PRIM2: variants seen among roughly 807,000 people sequenced by gnomAD.
The protein encoded by PRIM2 is DNA primase subunit 2, also known as DNA primase large subunit.
PRIM2 carries 39 observed loss-of-function variants against 67.3 expected under a neutral mutation model. The observed-to-expected ratio is 0.58, with a 90% CI of 0.45 to 0.76. The LOEUF is 0.76. Ranked by LOEUF, PRIM2 falls within the 30% of genes least tolerant of loss-of-function variation. PRIM2 has a pLI of 0.00. For missense variants in PRIM2, 398 were observed against 598.7 expected (o/e 0.66, Z 3.50); for synonymous variants, 143 against 198.7 (o/e 0.72, Z 2.36).
intron 13 of PRIM2, among the ~76,000 whole-genome samples, chr6:57,645,444 T>C (rs1465700666): frequency 1.3e-5 from 2 of 151,496 alleles, no homozygotes; most frequent in Non-Finnish European, 2.9e-5. Flanking sequence ...GAATTGGTAA[T>C]GTTTTGGGTA....
chr6:57,490,563 T>C (rs1458866101), intron 7 of PRIM2, among the ~76,000 whole-genome samples: 1 of 152,138 alleles, frequency 6.6e-6, no homozygotes, highest in Non-Finnish European at 1.5e-5. Context: ...AATAAATGTA[T>C]TCAGCAATAA....
At chr6:57,305,150 T>C in the PRIM2 span, among the ~76,000 whole-genome samples, 1 of 150,798 alleles carries the variant, frequency 6.6e-6, no homozygotes, top group East Asian at 1.9e-4. Context: ...CAGTTGGAAT[T>C]CAATCTTGGC....
At chr6:57,433,833 G>A (rs1231284072) in intron 7 of PRIM2, among the ~76,000 whole-genome samples, 1 of 151,760 alleles carries the variant, frequency 6.6e-6, no homozygotes, top group Non-Finnish European at 1.5e-5. Context: ...CTTGAATGAG[G>A]CCATTATGTG....
the PRIM2 span, among the ~76,000 whole-genome samples, chr6:57,276,446 CATATAT>C: frequency 7.3e-5 from 11 of 150,954 alleles, no homozygotes; most frequent in Admixed American, 1.3e-4. Flanking sequence ...ATACCATTTA[CATATAT>C]ATATATATAT....
At chr6:57,466,549 G>C (rs1197575217) in intron 7 of PRIM2, among the ~76,000 whole-genome samples, 1 of 152,184 alleles carries the variant, frequency 6.6e-6, no homozygotes, top group African/African-American at 2.4e-5. Flanking sequence ...TTGTGGTTTT[G>C]ATTTGCATTT....
At chr6:57,499,862 G>A (rs1353720038) in intron 7 of PRIM2, among the ~76,000 whole-genome samples, 2 of 152,080 alleles carry the variant, frequency 1.3e-5, no homozygotes, top group African/African-American at 4.8e-5. Flanking sequence ...ATATAATATG[G>A]GAAGGTTTAG....
At chr6:57,604,650 G>A in intron 11 of PRIM2, among the ~76,000 whole-genome samples, 1 of 150,094 alleles carries the variant, frequency 6.7e-6, no homozygotes, top group Middle Eastern at 3.4e-3. Flanking sequence ...TTGGTATCTA[G>A]TTTTTTGAGG....
intron 10 of PRIM2, among the ~76,000 whole-genome samples, chr6:57,593,528 C>T (rs1217631214): frequency 6.6e-6 from 1 of 152,186 alleles, no homozygotes; most frequent in Non-Finnish European, 1.5e-5. Flanking sequence ...GTCTCGAACT[C>T]CTGACCTCAA....
chr6:57,530,436 T>C (rs1774862548), intron 8 of PRIM2, among the ~76,000 whole-genome samples: 1 of 152,230 alleles, frequency 6.6e-6, no homozygotes, highest in Non-Finnish European at 1.5e-5. Context: ...TTATCTTCAC[T>C]GATCAACCTT....
At chr6:57,306,251 G>A in the PRIM2 span, among the ~76,000 whole-genome samples, 2 of 151,910 alleles carry the variant, frequency 1.3e-5, no homozygotes, top group African/African-American at 4.8e-5. Flanking sequence ...TCCATCCCAG[G>A]GCCAGACTCA....
rs1777046763 is a variant in PRIM2, at chr6:57,632,224, T to C, written c.1299+23T>C. The stretch of plus-strand genomic sequence containing the variant: ...AATGTAAGTATTTTTTTTAACTTTA[T>C]ATCCTAATTATTTGTCTTTTGTTAC... On this transcript the variant is annotated intron_variant, in intron 13 of 13. Coordinates refer to ENST00000615550, the MANE Select transcript of PRIM2 (RefSeq NM_000947.5). 2.3e-6 allele frequency: 3 copies of C among 1,317,182 alleles called. No homozygotes were observed. The Admixed American group carries it at 9.0e-5, about 39-fold the overall frequency. 81.6% of individuals were successfully genotyped at this position (1,317,182 alleles called of 1,614,324 possible).
chr6:57,348,447 A>G (rs1768748915), intron 5 of PRIM2, among the ~76,000 whole-genome samples: 1 of 152,190 alleles, frequency 6.6e-6, no homozygotes, highest in Non-Finnish European at 1.5e-5. Flanking sequence ...AAGAAAAGTT[A>G]TGGACTTGAG....
At chr6:57,254,574 G>T in the PRIM2 span, among the ~76,000 whole-genome samples, 8 of 152,170 alleles carry the variant, frequency 5.3e-5, no homozygotes, top group African/African-American at 1.9e-4. Context: ...TGTAACAAAA[G>T]CCCACCAGGA....
chr6:57,559,614 T>C (rs1269899330), intron 10 of PRIM2, among the ~76,000 whole-genome samples: 6 of 152,134 alleles, frequency 3.9e-5, no homozygotes, highest in African/African-American at 1.4e-4. Context: ...CTAGACAACA[T>C]AGATGTAGGT....
chr6:57,450,563 C>G (rs1453279591), intron 7 of PRIM2, among the ~76,000 whole-genome samples: 1 of 152,226 alleles, frequency 6.6e-6, no homozygotes, highest in Admixed American at 6.5e-5. Flanking sequence ...TCTTGAGCTT[C>G]TCAGTTTCCC....
intron 8 of PRIM2, among the ~76,000 whole-genome samples, chr6:57,522,973 C>G (rs1414863140): frequency 6.6e-6 from 1 of 152,072 alleles, no homozygotes; most frequent in African/African-American, 2.4e-5. Flanking sequence ...TCAAGGACAT[C>G]TAAATTCTCC....
intron 10 of PRIM2, among the ~76,000 whole-genome samples, chr6:57,550,934 G>A (rs1240850612): frequency 6.6e-6 from 1 of 152,108 alleles, no homozygotes; most frequent in Non-Finnish European, 1.5e-5. Flanking sequence ...TTAATATTAG[G>A]AATCTCAGGG....
chr6:57,549,526 T>C (rs1775358792), intron 10 of PRIM2, among the ~76,000 whole-genome samples: 2 of 151,960 alleles, frequency 1.3e-5, no homozygotes, highest in Non-Finnish European at 2.9e-5. Context: ...ACAATAGTAA[T>C]GTCTGCTAAA....
intron 7 of PRIM2, among the ~76,000 whole-genome samples, chr6:57,394,480 G>A (rs547385571): frequency 1.2e-3 from 181 of 152,238 alleles, no homozygotes; most frequent in African/African-American, 3.4e-3. Context: ...TGCTGTTGGT[G>A]TATAGCAGAG....
Sources: allele counts gnomAD v4.1 joint callset (sites outside exome capture counted in the v4.1 genomes callset), GRCh38; gene constraint gnomAD v4.1.1; transcripts MANE v1.5; gene names NCBI Gene and HGNC (gene_info 2026-07-23, HGNC 2026-07-21).